The following PIKFYVE variants were observed in gnomAD, a reference collection of about 807,000 sequenced individuals.
PIKFYVE encodes the protein phosphoinositide kinase, FYVE-type zinc finger containing.
PIKFYVE carries 122 observed loss-of-function variants against 257.9 expected under a neutral mutation model. The ratio of observed to expected loss-of-function variants is 0.47; its 90% CI spans 0.41 to 0.55. The LOEUF (loss-of-function observed/expected upper bound fraction) is 0.55. Among genes scored for constraint, PIKFYVE ranks in the 20% least tolerant of loss-of-function variants. The pLI is 0.00. For missense variants in PIKFYVE, 2,160 were observed against 2,536.6 expected (o/e 0.85, Z 3.19); for synonymous variants, 892 against 868.9 (o/e 1.03, Z -0.47).
intron 20 of PIKFYVE, among the ~76,000 whole-genome samples, chr2:208,327,593 A>T (rs1308550302): frequency 6.6e-6 from 1 of 152,214 alleles, no homozygotes; most frequent in Non-Finnish European, 1.5e-5. Context: ...TGATGTGTGT[A>T]TGTGGGACAG....
intron 1 of PIKFYVE, chr2:208,269,767 T>G (rs1248352763): frequency 1.2e-5 from 3 of 249,568 alleles, no homozygotes; most frequent in African/African-American, 4.6e-5. Flanking sequence ...CTCCAGCTGA[T>G]CCTTGTTAAA....
At chr2:208,314,909 A>G (rs950510683) in intron 14 of PIKFYVE, among the ~76,000 whole-genome samples, 17 of 1,958 alleles carry the variant, frequency 8.7e-3, no homozygotes, top group Admixed American at 0.038. Flanking sequence ...GAAAAAAAAC[A>G]AAAACAAAAG....
chr2:208,354,766 G>T (rs1270403279), intron 41 of PIKFYVE, 121 bp downstream of exon 41: 3 of 807,306 alleles, frequency 3.7e-6, no homozygotes, highest in Non-Finnish European at 6.2e-6. Flanking sequence ...TGATTTCATT[G>T]TCATTTCTAA....
At position 208,320,343 on chromosome 2, in the gene PIKFYVE, ATC is replaced by A; in HGVS notation, c.2175_2176del (p.Pro726TyrfsTer18). The A allele has an allele frequency of 6.2e-7, 1 of 1,612,150 alleles. No individual in the cohort carries two copies. The highest frequency in any genetic ancestry group is 8.5e-7 in the Non-Finnish European group (1 of 1,178,654). On this transcript the variant is annotated frameshift_variant, in exon 17 of 42. Transcript: ENST00000264380. LOFTEE classifies it high-confidence loss of function. ...GAAGAAACTAAGTTTACTTGCATTGATCCTATTGTGCTTCAGGTAAGAATTTA... is the reference window on the plus strand; with the variant it reads ...GAAGAAACTAAGTTTACTTGCATTGACTATTGTGCTTCAGGTAAGAATTTA...
chr2:208,286,019 C>A, intron 6 of PIKFYVE, 86 bp downstream of exon 6: 1 of 1,296,096 alleles, frequency 7.7e-7, no homozygotes, highest in Non-Finnish European at 1.1e-6. Context: ...TAACACTTAC[C>A]CTCTTAGAAT....
At chr2:208,344,762 G>A (rs559984745) in intron 32 of PIKFYVE, among the ~76,000 whole-genome samples, 28 of 150,936 alleles carry the variant, frequency 1.9e-4, no homozygotes, top group Non-Finnish European at 4.0e-4. Context: ...GCACTCTCAA[G>A]TTCTTTTTTT....
At position 208,325,659 on chromosome 2, in the gene PIKFYVE, G is replaced by C; in HGVS notation, c.2848G>C (p.Val950Leu). The part of the protein sequence containing the change: ...EQENKNLPQA[V>L]ASVKHQEHST... ...GGAAAATAAAAATCTTCCGCAGGCT[G>C]TTGCCTCTGTGAAGCATCAAGAACA... Residue 950 changes from valine to leucine, a missense_variant, in exon 20 of 42, where the codon GTT becomes CTT. Physicochemically the swap from Val to Leu is conservative, Grantham distance 32. This residue lies in a region of PIKFYVE where 522 missense variants were observed against 514.6 expected (regional missense o/e 1.01). Coordinates refer to ENST00000264380, the MANE Select transcript of PIKFYVE (RefSeq NM_015040.4). 1 of 1,614,164 alleles carries C rather than the reference G, an allele frequency of 6.2e-7. No individual in the cohort carries two copies. The highest frequency in any genetic ancestry group is 8.5e-7 in the Non-Finnish European group (1 of 1,180,038).
chr2:208,272,638 T>C (rs1689580093), intron 2 of PIKFYVE, among the ~76,000 whole-genome samples: 1 of 152,212 alleles, frequency 6.6e-6, no homozygotes, highest in South Asian at 2.1e-4. Context: ...ACTTGAAGTA[T>C]GTTAGAAAGT....
At chr2:208,315,956 T>C (rs1323638220) in intron 15 of PIKFYVE, among the ~76,000 whole-genome samples, 1 of 151,052 alleles carries the variant, frequency 6.6e-6, no homozygotes, top group South Asian at 2.1e-4. Flanking sequence ...ACATGTGCCA[T>C]GCTGGTGTGC....
At chr2:208,281,348 A>T (rs571063111) in intron 5 of PIKFYVE, among the ~76,000 whole-genome samples, 3 of 152,186 alleles carry the variant, frequency 2.0e-5, no homozygotes, top group Non-Finnish European at 4.4e-5. Flanking sequence ...TAAATATAGA[A>T]TCTGCTTAGT....
intron 38 of PIKFYVE, 123 bp from the exon 39 acceptor site, chr2:208,352,531 A>C (rs560451410): frequency 4.3e-6 from 5 of 1,152,538 alleles, no homozygotes; most frequent in Non-Finnish European, 4.8e-6. Context: ...AGTTTTTTTC[A>C]AAGTCCTTTG....
chr2:208,281,452 G>A (rs1194974066), intron 5 of PIKFYVE, among the ~76,000 whole-genome samples: 1 of 152,022 alleles, frequency 6.6e-6, no homozygotes, highest in African/African-American at 2.4e-5. Context: ...GTATTTCCTT[G>A]GTTTTTATCT....
At position 208,345,205 on chromosome 2, in the gene PIKFYVE, A is replaced by G. The variant is rs2125760485; in HGVS notation, c.5111+11A>G. 11 of 1,582,126 alleles carry G rather than the reference A, an allele frequency of 7.0e-6. No homozygotes were observed. The highest frequency in any genetic ancestry group is 2.2e-5 in the East Asian group (1 of 44,624). ...GCTTCCAACAAATAGGTGATTCATG[A>G]TTGAGTAGAAACTATTTTAATTTAG... On this transcript the variant is annotated intron_variant, in intron 33 of 41. Transcript: ENST00000264380.
Position 208,297,130 on chromosome 2 carries a change from A to G in PIKFYVE, c.912-1511A>G, listed in dbSNP as rs373994362. ...CTTTAGGAAAGACGTAATTTAGTCA[A>G]TGAATGCTGTCTCTAAATATAATTT... is the stretch of plus-strand genomic sequence containing the variant. On this transcript the variant is annotated intron_variant, in intron 7 of 41. Coordinates refer to ENST00000264380, the MANE Select transcript of PIKFYVE (RefSeq NM_015040.4). Among the ~76,000 whole-genome samples the G allele has an allele frequency of 5.3e-5, 8 of 152,232 alleles. No individual in the cohort carries two copies. In the East Asian group the frequency reaches 1.3e-3, roughly 26 times the overall value.
At chr2:208,343,924 G>A (rs1360890629) in intron 32 of PIKFYVE, among the ~76,000 whole-genome samples, 4 of 149,696 alleles carry the variant, frequency 2.7e-5, no homozygotes, top group East Asian at 2.0e-4. Context: ...CTCCGCCTCC[G>A]GGTTTCACGC....
Position 208,312,352 on chromosome 2 carries a change from C to T in PIKFYVE, c.1696+57C>T, listed in dbSNP as rs1413639519. The T allele has an allele frequency of 5.2e-6, 7 of 1,338,816 alleles. No individual in the cohort carries two copies. The East Asian group carries it at 1.7e-4, about 32-fold the overall frequency. The allele number at this position is 1,338,816 out of a possible 1,614,324, so 82.9% of individuals were successfully genotyped here. A position where few individuals can be genotyped will look rare whatever the true frequency, so the allele number is the denominator to read the frequency against. On this transcript the variant is annotated intron_variant, in intron 13 of 41. Transcript: ENST00000264380. ...TGTCTCTTTTTTTCATGAGGATATA[C>T]TTAGGGCTTAGCACATTGATTAGCA...
In PIKFYVE at chr2:208,342,035, G is replaced by T. The variant is rs188150865; in HGVS notation, c.4932-519G>T. Among the ~76,000 whole-genome samples, 7 of 151,866 alleles carry T rather than the reference G, an allele frequency of 4.6e-5. No homozygotes were observed. The East Asian group carries it at 9.7e-4, about 21-fold the overall frequency. ...AGTTTTTCTTCATATTGTATCCTTG[G>T]CATGTTTGGTGTTCAGTAAGTAGCA... On this transcript the variant is annotated intron_variant, in intron 31 of 41. Coordinates refer to ENST00000264380, the MANE Select transcript of PIKFYVE (RefSeq NM_015040.4).
chr2:208,298,808 C>T (rs767116290), intron 8 of PIKFYVE, 29 bp downstream of exon 8: 2 of 1,612,856 alleles, frequency 1.2e-6, no homozygotes, highest in Non-Finnish European at 8.5e-7. Flanking sequence ...TGACCCATTG[C>T]TAGTTTTGAG....
intron 39 of PIKFYVE, 97 bp downstream of exon 39, chr2:208,352,879 T>C (rs768909791): frequency 1.4e-5 from 21 of 1,453,514 alleles, no homozygotes; most frequent in Non-Finnish European, 1.8e-5. Context: ...TCTTATTTTA[T>C]AGTAAATATT....
Sources: gnomAD v4.1 joint callset for allele counts (sites outside exome capture counted in the v4.1 genomes callset) on GRCh38, gnomAD v4.1.1 for gene constraint, gnomAD v4.1.1 regional missense constraint, MANE v1.5 for transcripts, NCBI Gene and HGNC (gene_info 2026-07-23, HGNC 2026-07-21) for gene names.